The following MGAT4A variants were observed in gnomAD, a reference collection of about 807,000 sequenced individuals.
MGAT4A encodes the protein alpha-1,3-mannosyl-glycoprotein 4-beta-N-acetylglucosaminyltransferase A.
MGAT4A carries 33 observed loss-of-function variants against 74.1 expected under a neutral mutation model. The ratio of observed to expected loss-of-function variants is 0.45; its 90% CI spans 0.34 to 0.60. The LOEUF is 0.60. MGAT4A is among the 20% of genes least tolerant of loss of function. MGAT4A has a pLI of 0.02. For missense variants in MGAT4A, 479 were observed against 628.3 expected (o/e 0.76, Z 2.54); for synonymous variants, 198 against 210.4 (o/e 0.94, Z 0.51).
intron 2 of MGAT4A, among the ~76,000 whole-genome samples, chr2:98,698,068 A>G (rs1702301407): frequency 6.6e-6 from 1 of 152,230 alleles, no homozygotes; most frequent in Non-Finnish European, 1.5e-5. Flanking sequence ...TCAGTTTTCA[A>G]AAACTGATAT....
intron 6 of MGAT4A, among the ~76,000 whole-genome samples, chr2:98,657,916 T>C (rs1701682273): frequency 6.6e-6 from 1 of 152,210 alleles, no homozygotes; most frequent in African/African-American, 2.4e-5. Flanking sequence ...GTGAAAGATT[T>C]AATCTCATAT....
At chr2:98,684,746 G>T (rs1269977850) in intron 2 of MGAT4A, among the ~76,000 whole-genome samples, 3 of 152,212 alleles carry the variant, frequency 2.0e-5, no homozygotes, top group Non-Finnish European at 4.4e-5. Context: ...ACAGACCAGA[G>T]AACTTTATTT....
intron 14 of MGAT4A, among the ~76,000 whole-genome samples, chr2:98,627,173 G>A (rs924762229): frequency 6.6e-6 from 1 of 152,188 alleles, no homozygotes; most frequent in Non-Finnish European, 1.5e-5. Context: ...GTAAACTTGT[G>A]TGGGATGGAG....
chr2:98,682,213 G>C (rs538343048), intron 2 of MGAT4A, among the ~76,000 whole-genome samples: 3 of 151,758 alleles, frequency 2.0e-5, no homozygotes, highest in Non-Finnish European at 2.9e-5. Context: ...ACCTGAGGTC[G>C]GGAATTCAAG....
chr2:98,711,391 G>A (rs1386526269), intron 2 of MGAT4A, among the ~76,000 whole-genome samples: 1 of 151,788 alleles, frequency 6.6e-6, no homozygotes, highest in African/African-American at 2.4e-5. Context: ...GACACGAATG[G>A]TCCCAGAAGA....
At chr2:98,643,124 G>GT (rs1302622671) in intron 10 of MGAT4A, among the ~76,000 whole-genome samples, 9 of 151,808 alleles carry the variant, frequency 5.9e-5, no homozygotes, top group South Asian at 2.1e-4. Context: ...AAAAGCTATA[G>GT]TTTTTTTTCA....
rs1256563184 is a variant in MGAT4A at position 98,620,257 on chromosome 2, GATTC to G, written c.*5305_*5308del. 6.6e-6 allele frequency: 1 copy of G among 152,146 alleles called. No individual in the cohort carries two copies. The highest frequency in any genetic ancestry group is 1.5e-5 in the Non-Finnish European group (1 of 68,018). 9.4% of individuals were successfully genotyped at this position (152,146 alleles called of 1,614,324 possible). A position where few individuals can be genotyped will look rare whatever the true frequency, so the allele number is the denominator to read the frequency against. On this transcript the variant is annotated 3_prime_UTR_variant, in exon 16 of 16. Transcript: ENST00000393487. ...GCATACTAGTTATCGTAGCATATAA[GATTC>G]ATAATTTAAAATGCACAACTACCAA... is the stretch of plus-strand genomic sequence containing the variant.
intron 2 of MGAT4A, among the ~76,000 whole-genome samples, chr2:98,693,564 G>A (rs114652871): frequency 0.012 from 1,791 of 152,148 alleles, 48 homozygotes; most frequent in African/African-American, 0.042. Context: ...AGAATTAGCT[G>A]GGTGTGGTTG....
rs1182371210 is a variant in MGAT4A at position 98,641,523 on chromosome 2, T to A, written c.1021-1295A>T. Among the ~76,000 whole-genome samples, 21 of 103,776 alleles carry A rather than the reference T, an allele frequency of 2.0e-4. No individual in the cohort carries two copies. In the South Asian group the frequency reaches 3.6e-3, roughly 18 times the overall value. 68.1% of individuals were successfully genotyped at this position (103,776 alleles called of 152,430 possible). A position where few individuals can be genotyped will look rare whatever the true frequency, so the allele number is the denominator to read the frequency against. On this transcript the variant is annotated intron_variant, in intron 10 of 15. Transcript: ENST00000393487. ...ACAAAAAAAAAAAAAAAAAAAAAAA[T>A]TAGCCGGGCGTGGTGGCGGGCGCCT...
rs566531544 is a variant in MGAT4A, at chr2:98,704,843, G to A, written c.94+21396C>T. On this transcript the variant is annotated intron_variant, in intron 2 of 15. Transcript: ENST00000393487. ...ACTAGGATTAGCAAATTTCCCTCAA[G>A]ATCAAATTTGTTATTGCAGTAGTTT... Among the ~76,000 whole-genome samples the A allele has an allele frequency of 2.6e-5, 4 of 152,006 alleles. No homozygotes were observed. In the South Asian group the frequency reaches 6.2e-4, roughly 24 times the overall value.
At chr2:98,630,852 G>C (rs1559154219) in intron 14 of MGAT4A, among the ~76,000 whole-genome samples, 1 of 152,168 alleles carries the variant, frequency 6.6e-6, no homozygotes, top group East Asian at 1.9e-4. Context: ...ATTTGGTACT[G>C]TGTGTGTGTA....
At chr2:98,626,542 A>G (rs1384668113) in intron 14 of MGAT4A, among the ~76,000 whole-genome samples, 1 of 152,208 alleles carries the variant, frequency 6.6e-6, no homozygotes. Context: ...TCTTTAAGCC[A>G]AGGTTGGTAA....
At chr2:98,726,843 G>A (rs1417459407) in intron 1 of MGAT4A, 1 of 152,696 alleles carries the variant, frequency 6.5e-6, no homozygotes, top group Non-Finnish European at 1.5e-5. Context: ...AAAGGGAAAA[G>A]TGGAGCTCAC....
rs184514392 is a variant in MGAT4A at position 98,669,424 on chromosome 2, C to T, written c.403+5611G>A. Among the ~76,000 whole-genome samples, 24 of 152,258 alleles carry T rather than the reference C, an allele frequency of 1.6e-4. No homozygotes were observed. In the East Asian group the frequency reaches 2.7e-3, roughly 17 times the overall value. ...TTGCCTTCCGCCATGATTGTGAGGC[C>T]GCCCCAGCCACGTGGAACTGTTAAG... On this transcript the variant is annotated intron_variant, in intron 4 of 15. Coordinates refer to ENST00000393487, the MANE Select transcript of MGAT4A (RefSeq NM_012214.3).
Position 98,711,497 on chromosome 2 carries a change from T to C in MGAT4A, c.94+14742A>G, listed in dbSNP as rs549020230. Among the ~76,000 whole-genome samples the C allele has an allele frequency of 3.3e-5, 5 of 152,090 alleles. No individual in the cohort carries two copies. In the South Asian group the frequency reaches 8.3e-4, roughly 25 times the overall value. On this transcript the variant is annotated intron_variant, in intron 2 of 15. Coordinates refer to ENST00000393487, the MANE Select transcript of MGAT4A (RefSeq NM_012214.3). The stretch of plus-strand genomic sequence containing the variant: ...TATTAACTTTAGGAAGGTTTAGAGA[T>C]GAAGAAATTAATGAAAAAGCCCATA...
At position 98,683,103 on chromosome 2, in the gene MGAT4A, A is replaced by T. The variant is rs150537665; in HGVS notation, c.95-4632T>A. On this transcript the variant is annotated intron_variant, in intron 2 of 15. Transcript: ENST00000393487. The stretch of plus-strand genomic sequence containing the variant: ...ACTCCGTCTAAAAAAAAAAACAAAA[A>T]AAATAAAAAAAATAAATGGCTTCCA... Among the ~76,000 whole-genome samples, 15 of 150,838 alleles carry T rather than the reference A, an allele frequency of 9.9e-5. 1 individual carries two copies. The East Asian group carries it at 2.9e-3, about 29-fold the overall frequency.
intron 2 of MGAT4A, among the ~76,000 whole-genome samples, chr2:98,681,764 G>A (rs1017025080): frequency 1.3e-5 from 2 of 151,964 alleles, no homozygotes; most frequent in African/African-American, 4.8e-5. Flanking sequence ...ACCACCCTGG[G>A]CAACATGGCG....
chr2:98,621,610 A>G lies in MGAT4A; in HGVS notation c.*3956T>C, dbSNP rs1196058735. ...TCAAACAGGTTCCACCCATGCTCAA[A>G]GTGGGAGGATATTATACAAGGTCAT... On this transcript the variant is annotated 3_prime_UTR_variant, in exon 16 of 16. Coordinates refer to ENST00000393487, the MANE Select transcript of MGAT4A (RefSeq NM_012214.3). The G allele has an allele frequency of 1.3e-6, 2 of 1,511,046 alleles. No individual in the cohort carries two copies. The highest frequency in any genetic ancestry group is 5.0e-5 in the East Asian group (2 of 40,334). The allele number at this position is 1,511,046 out of a possible 1,614,324, so 93.6% of individuals were successfully genotyped here. A position where few individuals can be genotyped will look rare whatever the true frequency, so the allele number is the denominator to read the frequency against.
chr2:98,671,810 T>C (rs1443459533), intron 4 of MGAT4A, among the ~76,000 whole-genome samples: 1 of 151,426 alleles, frequency 6.6e-6, no homozygotes, highest in Non-Finnish European at 1.5e-5. Context: ...AGCGTCTTTA[T>C]GAAAGGAAGG....
Sources: allele counts gnomAD v4.1 joint callset (sites outside exome capture counted in the v4.1 genomes callset), GRCh38; gene constraint gnomAD v4.1.1; transcripts MANE v1.5; gene names NCBI Gene and HGNC (gene_info 2026-07-23, HGNC 2026-07-21).